Variants in SLCO3A1 observed in about 807,000 individuals in gnomAD.
SLCO3A1 encodes PGE1 transporter.
SLCO3A1 carries 27 observed loss-of-function variants against 63.1 expected under a neutral mutation model. The observed-to-expected ratio is 0.43, with a 90% CI of 0.32 to 0.59. The LOEUF is 0.59. Among genes scored for constraint, SLCO3A1 ranks in the 20% least tolerant of loss-of-function variants. The pLI, the probability that SLCO3A1 is intolerant of heterozygous loss-of-function variation, is 0.09. For missense variants in SLCO3A1, 773 were observed against 945.8 expected (o/e 0.82, Z 2.40); for synonymous variants, 473 against 409.9 (o/e 1.15, Z -1.86).
At chr15:92,126,010 A>C in intron 5 of SLCO3A1, 51 bp from the exon 6 acceptor site, 1 of 1,534,086 alleles carries the variant, frequency 6.5e-7, no homozygotes, top group Non-Finnish European at 9.0e-7. Context: ...CTGTCTGTAG[A>C]CTGGCCCCAC....
intron 2 of SLCO3A1, among the ~76,000 whole-genome samples, chr15:91,933,995 C>T (rs1899320550): frequency 6.6e-6 from 1 of 152,152 alleles, no homozygotes. Context: ...GCTTTTCTTG[C>T]AGCTTAGTGT....
At chr15:91,914,556 C>T (rs948439714) in intron 1 of SLCO3A1, among the ~76,000 whole-genome samples, 3 of 147,008 alleles carry the variant, frequency 2.0e-5, no homozygotes, top group Non-Finnish European at 3.0e-5. Context: ...ACCTTTCCAA[C>T]TATTTTCTTC....
At chr15:92,149,959 T>C (rs2048282939) in intron 8 of SLCO3A1, among the ~76,000 whole-genome samples, 1 of 152,186 alleles carries the variant, frequency 6.6e-6, no homozygotes, top group South Asian at 2.1e-4. Flanking sequence ...ACTTGGATTT[T>C]GTAACGTGCA....
At chr15:92,162,506 TATC>T (rs2048452087) in intron 9 of SLCO3A1, 5 of 517,694 alleles carry the variant, frequency 9.7e-6, no homozygotes, top group Non-Finnish European at 1.7e-5. Context: ...ACTGTAGTAT[TATC>T]ATCATCCCCA....
At chr15:92,113,759 C>T (rs979799867) in intron 4 of SLCO3A1, among the ~76,000 whole-genome samples, 2 of 152,178 alleles carry the variant, frequency 1.3e-5, no homozygotes, top group African/African-American at 4.8e-5. Flanking sequence ...CTGCAGGCCT[C>T]CTCTCCCACC....
intron 1 of SLCO3A1, among the ~76,000 whole-genome samples, chr15:91,907,266 G>T (rs545798678): frequency 2.5e-4 from 38 of 151,936 alleles, no homozygotes; most frequent in Non-Finnish European, 4.0e-4. Flanking sequence ...GAGTGCACTG[G>T]TGCGATCTCA....
intron 1 of SLCO3A1, among the ~76,000 whole-genome samples, chr15:91,870,419 A>G (rs1371870827): frequency 6.6e-6 from 1 of 152,166 alleles, no homozygotes; most frequent in African/African-American, 2.4e-5. Context: ...CTTAGAGATA[A>G]TTTATTATTG....
intron 3 of SLCO3A1, among the ~76,000 whole-genome samples, chr15:92,099,058 A>T (rs1326737979): frequency 6.6e-6 from 1 of 152,224 alleles, no homozygotes; most frequent in South Asian, 2.1e-4. Flanking sequence ...GCTCCCTTCC[A>T]TGGACAAAGG....
At chr15:92,059,102 A>T (rs2047055683) in intron 2 of SLCO3A1, among the ~76,000 whole-genome samples, 1 of 152,172 alleles carries the variant, frequency 6.6e-6, no homozygotes. Flanking sequence ...ATGGTATATC[A>T]GCAGCTGGGG....
intron 5 of SLCO3A1, 140 bp from the exon 6 acceptor site, chr15:92,125,921 C>G (rs937658800): frequency 1.4e-6 from 1 of 691,830 alleles, no homozygotes. Flanking sequence ...CCTGAAGACT[C>G]CAGGGTCCCA....
intron 4 of SLCO3A1, among the ~76,000 whole-genome samples, chr15:92,112,003 C>T (rs1017497320): frequency 2.6e-5 from 4 of 152,162 alleles, no homozygotes; most frequent in Non-Finnish European, 5.9e-5. Context: ...AGCTACTTGG[C>T]TAATGCTTCC....
At chr15:91,867,828 G>T (rs1897202288) in intron 1 of SLCO3A1, among the ~76,000 whole-genome samples, 1 of 152,208 alleles carries the variant, frequency 6.6e-6, no homozygotes, top group South Asian at 2.1e-4. Flanking sequence ...TGTTCTGGGG[G>T]CTGGGAGGCC....
intron 2 of SLCO3A1, among the ~76,000 whole-genome samples, chr15:92,058,391 CA>C (rs2047046743): frequency 6.6e-6 from 1 of 152,080 alleles, no homozygotes; most frequent in Non-Finnish European, 1.5e-5. Context: ...AAGTTAAAAT[CA>C]ACCAAATGAT....
chr15:92,052,242 G>C (rs549763200), intron 2 of SLCO3A1, among the ~76,000 whole-genome samples: 1 of 152,276 alleles, frequency 6.6e-6, no homozygotes, highest in South Asian at 2.1e-4. Flanking sequence ...TCCACCTTGA[G>C]ATGGGGTCAG....
intron 7 of SLCO3A1, among the ~76,000 whole-genome samples, chr15:92,138,455 G>T (rs199608720): frequency 0.24 from 22,558 of 94,638 alleles, 3,455 homozygotes; most frequent in African/African-American, 0.31. Flanking sequence ...CTTGGCGATG[G>T]GGGCTCTTTT....
Position 92,144,605 on chromosome 15 carries a change from T to G in SLCO3A1, c.1513-2379T>G, listed in dbSNP as rs1037595358. Reference sequence around the variant, plus strand: ...CTGTGTCTGTGGTTTCTCAAAATAATCAGCTCAAAATATTCTTTATGCAAA... The same window carrying G: ...CTGTGTCTGTGGTTTCTCAAAATAAGCAGCTCAAAATATTCTTTATGCAAA... On this transcript the variant is annotated intron_variant, in intron 7 of 9. Coordinates refer to ENST00000318445, the MANE Select transcript of SLCO3A1 (RefSeq NM_013272.4). Among the ~76,000 whole-genome samples, 29 of 152,336 alleles carry G rather than the reference T, an allele frequency of 1.9e-4. 1 individual carries two copies. The highest frequency in any genetic ancestry group is 6.3e-4 in the African/African-American group (26 of 41,562).
At chr15:91,913,012 A>G (rs1285559348) in intron 1 of SLCO3A1, among the ~76,000 whole-genome samples, 1 of 152,260 alleles carries the variant, frequency 6.6e-6, no homozygotes, top group Non-Finnish European at 1.5e-5. Context: ...TTGCGAAGGA[A>G]AGTAGTAAAT....
intron 2 of SLCO3A1, among the ~76,000 whole-genome samples, chr15:91,982,158 G>A (rs138435288): frequency 1.9e-3 from 288 of 152,382 alleles, no homozygotes; most frequent in African/African-American, 6.6e-3. Flanking sequence ...AATATTTGAT[G>A]ATTGTCAGAG....
At chr15:91,953,242 C>T (rs570283050) in intron 2 of SLCO3A1, among the ~76,000 whole-genome samples, 1 of 152,342 alleles carries the variant, frequency 6.6e-6, no homozygotes, top group Admixed American at 6.5e-5. Flanking sequence ...CATTCGCTCA[C>T]TCGTTTGTTC....
Sources: gnomAD v4.1 joint callset for allele counts (sites outside exome capture counted in the v4.1 genomes callset) on GRCh38, gnomAD v4.1.1 for gene constraint, MANE v1.5 for transcripts, NCBI Gene and HGNC (gene_info 2026-07-23, HGNC 2026-07-21) for gene names.